CTTNBP2: variants seen among roughly 807,000 people sequenced by gnomAD.
CTTNBP2 encodes cortactin binding protein 2.
In CTTNBP2, 108 loss-of-function variants were observed where a neutral mutation model predicts 156.9. The ratio of observed to expected loss-of-function variants is 0.69; its 90% CI spans 0.59 to 0.81. The LOEUF is 0.81. Among genes scored for constraint, CTTNBP2 ranks in the 30% least tolerant of loss-of-function variants. The probability of loss-of-function intolerance (pLI) is 0.00; values close to 1 mark genes in which losing one functional copy is unlikely to be tolerated. For synonymous variants in CTTNBP2, 767 were observed against 751.8 expected, an observed-to-expected ratio of 1.02 and a Z score of -0.33; for missense variants, 1,924 against 2,035.4, an observed-to-expected ratio of 0.95 and a Z score of 1.05.
chr7:117,755,006 GTGGTT>G (rs1295002578), intron 12 of CTTNBP2, among the ~76,000 whole-genome samples: 1 of 152,248 alleles, frequency 6.6e-6, no homozygotes, highest in Non-Finnish European at 1.5e-5. Flanking sequence ...AGAGAAGGGA[GTGGTT>G]CTACCAGCTG....
intron 3 of CTTNBP2, among the ~76,000 whole-genome samples, chr7:117,807,048 T>G (rs920035852): frequency 2.0e-5 from 3 of 152,090 alleles, no homozygotes; most frequent in Admixed American, 2.0e-4. Flanking sequence ...TGAGCCACCA[T>G]GCCCGGCTGG....
At chr7:117,852,012 A>G (rs1802959906) in intron 2 of CTTNBP2, among the ~76,000 whole-genome samples, 1 of 152,194 alleles carries the variant, frequency 6.6e-6, no homozygotes, top group Non-Finnish European at 1.5e-5. Flanking sequence ...CTGTTGATTC[A>G]GGCTTCATGA....
In CTTNBP2 at chr7:117,745,947, G is replaced by T; in HGVS notation, c.3436-17C>A. On this transcript the variant is annotated splice_polypyrimidine_tract_variant and intron_variant, in intron 13 of 22. Transcript: ENST00000160373. Reference sequence around the variant, plus strand: ...TTGTCTGTGCTGTGATAAGAAAATAGGGTGATTAGTTCTACGCACTTGCCA... The same window carrying T: ...TTGTCTGTGCTGTGATAAGAAAATATGGTGATTAGTTCTACGCACTTGCCA... The T allele has an allele frequency of 6.2e-7, 1 of 1,612,404 alleles. No individual in the cohort carries two copies. The highest frequency in any genetic ancestry group is 8.5e-7 in the Non-Finnish European group (1 of 1,178,376).
rs372670430 is a variant in CTTNBP2 at position 117,757,814 on chromosome 7, C to T, written c.3268+61G>A. ...AAACGTGAAGATTTAAGAACTGGTGCTCTGAGGCAGCCATGAAGCAAACAC... is the reference window on the plus strand; with the variant it reads ...AAACGTGAAGATTTAAGAACTGGTGTTCTGAGGCAGCCATGAAGCAAACAC... On this transcript the variant is annotated intron_variant, in intron 11 of 22. Transcript: ENST00000160373. The T allele has an allele frequency of 2.7e-4, 305 of 1,110,944 alleles. No homozygotes were observed. In the African/African-American group the frequency reaches 3.8e-3, roughly 14 times the overall value. The allele number at this position is 1,110,944 out of a possible 1,614,324, so 68.8% of individuals were successfully genotyped here.
chr7:117,836,761 G>C (rs1208738488), intron 2 of CTTNBP2, among the ~76,000 whole-genome samples: 1 of 152,150 alleles, frequency 6.6e-6, no homozygotes, highest in African/African-American at 2.4e-5. Flanking sequence ...TGGCTGGGGA[G>C]GCCTCATAAT....
intron 8 of CTTNBP2, among the ~76,000 whole-genome samples, chr7:117,775,335 A>G: frequency 6.6e-6 from 1 of 152,064 alleles, no homozygotes; most frequent in African/African-American, 2.4e-5. Context: ...AAGAGGTCAC[A>G]TTTTCCTTGG....
At chr7:117,728,384 T>C in intron 16 of CTTNBP2, 117 bp from the exon 17 acceptor site, 2 of 743,286 alleles carry the variant, frequency 2.7e-6, no homozygotes, top group South Asian at 3.8e-5. Context: ...GAATCTTATT[T>C]AACTTTACTT....
At chr7:117,715,532 G>T (rs920107681) in intron 22 of CTTNBP2, among the ~76,000 whole-genome samples, 32 of 147,208 alleles carry the variant, frequency 2.2e-4, no homozygotes, top group Non-Finnish European at 4.4e-4. Flanking sequence ...CCAAAGATGT[G>T]AACTTGTCCT....
intron 12 of CTTNBP2, among the ~76,000 whole-genome samples, chr7:117,747,473 T>C (rs921486747): frequency 6.6e-6 from 1 of 152,182 alleles, no homozygotes; most frequent in Admixed American, 6.5e-5. Flanking sequence ...ACCCTAGGCC[T>C]TTAAGACTTG....
chr7:117,769,520 T>C (rs1428054318), intron 8 of CTTNBP2, among the ~76,000 whole-genome samples: 1 of 152,236 alleles, frequency 6.6e-6, no homozygotes, highest in Non-Finnish European at 1.5e-5. Context: ...TGTACAATTA[T>C]TATGTGGCCA....
intron 2 of CTTNBP2, among the ~76,000 whole-genome samples, chr7:117,849,592 C>T (rs1324846864): frequency 6.6e-6 from 1 of 152,090 alleles, no homozygotes; most frequent in Non-Finnish European, 1.5e-5. Context: ...CTCCATCAGT[C>T]CATACCCCTG....
chr7:117,859,019 G>C (rs1329864697), intron 2 of CTTNBP2, among the ~76,000 whole-genome samples: 4 of 152,000 alleles, frequency 2.6e-5, no homozygotes, highest in African/African-American at 9.7e-5. Context: ...ACGTCTTTCA[G>C]TACAGTCATG....
intron 2 of CTTNBP2, among the ~76,000 whole-genome samples, chr7:117,859,789 G>T (rs902198944): frequency 6.6e-6 from 1 of 152,168 alleles, no homozygotes; most frequent in Non-Finnish European, 1.5e-5. Flanking sequence ...CTTCAACTCA[G>T]TATCGGCCAC....
chr7:117,860,431 C>T (rs1267159084), intron 2 of CTTNBP2, among the ~76,000 whole-genome samples: 2 of 151,976 alleles, frequency 1.3e-5, no homozygotes, highest in Admixed American at 6.6e-5. Flanking sequence ...CAAGCTCCAC[C>T]TCCCGAGTTC....
intron 2 of CTTNBP2, among the ~76,000 whole-genome samples, chr7:117,849,425 C>T (rs1419401838): frequency 6.6e-6 from 1 of 152,162 alleles, no homozygotes; most frequent in Admixed American, 6.5e-5. Flanking sequence ...GCTGATGCTG[C>T]AGGTATGGAA....
rs1278844401 is a variant in CTTNBP2 at position 117,735,084 on chromosome 7, T to G, written c.3705A>C (p.Glu1235Asp). The change falls in exon 16 of 23, where the codon GAA becomes GAC. Residue 1235 changes from glutamate to aspartate, a missense_variant. By Grantham distance (45) the Glu-to-Asp change is conservative (BLOSUM62 2). Transcript: ENST00000160373. Reference protein sequence around the residue: ...CTFQKGNGLSECYYFHENCFL... With the variant: ...CTFQKGNGLSDCYYFHENCFL... ...AGCAGTTCTCATGAAAGTAATAACA[T>G]TCGGACAGTCCATTTCCTGAAACAA... 6.2e-7 allele frequency: 1 copy of G among 1,613,302 alleles called. No individual in the cohort carries two copies. Among genetic ancestry groups the G allele is most frequent in the Non-Finnish European group, 8.5e-7 (1 of 1,179,432 alleles).
intron 2 of CTTNBP2, among the ~76,000 whole-genome samples, chr7:117,851,337 C>T (rs769929282): frequency 7.2e-5 from 11 of 151,884 alleles, no homozygotes; most frequent in Non-Finnish European, 1.6e-4. Flanking sequence ...TACTTTTATT[C>T]CCAATCTCTT....
At chr7:117,762,309 C>G (rs1797254875) in intron 9 of CTTNBP2, among the ~76,000 whole-genome samples, 1 of 152,190 alleles carries the variant, frequency 6.6e-6, no homozygotes, top group African/African-American at 2.4e-5. Flanking sequence ...TCTCAAATTC[C>G]TGCATCCAAA....
At chr7:117,867,390 C>T (rs917870494) in intron 1 of CTTNBP2, among the ~76,000 whole-genome samples, 1 of 152,202 alleles carries the variant, frequency 6.6e-6, no homozygotes, top group Admixed American at 6.5e-5. Flanking sequence ...TGCTCTATTA[C>T]TTCACTTGGC....
Sources: allele counts gnomAD v4.1 joint callset (sites outside exome capture counted in the v4.1 genomes callset), GRCh38; gene constraint gnomAD v4.1.1; transcripts MANE v1.5; gene names NCBI Gene and HGNC (gene_info 2026-07-23, HGNC 2026-07-21).